ALDH1A1: variants seen among roughly 807,000 people sequenced by gnomAD.
ALDH1A1 encodes the protein aldehyde dehydrogenase 1A1.
Under a neutral mutation model 62.1 loss-of-function variants are expected in ALDH1A1, and 19 were observed. The observed-to-expected ratio is 0.31, with a 90% confidence interval of 0.21 to 0.45. The LOEUF is 0.45. ALDH1A1 is among the 20% of genes least tolerant of loss of function. The pLI, the probability that ALDH1A1 is intolerant of heterozygous loss-of-function variation, is 1.00. For synonymous variants in ALDH1A1, 231 were observed against 215.9 expected, an observed-to-expected ratio of 1.07 and a Z score of -0.61; for missense variants, 521 against 607.1, an observed-to-expected ratio of 0.86 and a Z score of 1.49.
intron 5 of ALDH1A1, chr9:72,926,891 A>G: frequency 4.6e-6 from 2 of 433,524 alleles, no homozygotes; most frequent in South Asian, 9.5e-5. Context: ...ATGATGTAGT[A>G]TTAAAACATT....
At chr9:72,922,453 C>G (rs1419094169) in intron 7 of ALDH1A1, among the ~76,000 whole-genome samples, 1 of 152,106 alleles carries the variant, frequency 6.6e-6, no homozygotes, top group Non-Finnish European at 1.5e-5. Context: ...GATCAGCAAA[C>G]AGTAGCTCCT....
At chr9:72,921,792 G>T (rs1830149421) in intron 7 of ALDH1A1, among the ~76,000 whole-genome samples, 1 of 151,204 alleles carries the variant, frequency 6.6e-6, no homozygotes, top group Non-Finnish European at 1.5e-5. Context: ...CTGTCTTTGA[G>T]GATAATCAGC....
At chr9:72,948,969 T>C (rs1744779728) in intron 1 of ALDH1A1, among the ~76,000 whole-genome samples, 1 of 151,858 alleles carries the variant, frequency 6.6e-6, no homozygotes, top group African/African-American at 2.4e-5. Flanking sequence ...AAAGAAGCAC[T>C]TCAAATCGTG....
intron 9 of ALDH1A1, among the ~76,000 whole-genome samples, chr9:72,916,710 T>G (rs1157373807): frequency 2.6e-5 from 4 of 152,198 alleles, no homozygotes; most frequent in Non-Finnish European, 4.4e-5. Flanking sequence ...GCCGGTAAAC[T>G]GTTTCTAGAC....
At chr9:72,951,643 A>AT (rs1230754258) in intron 1 of ALDH1A1, among the ~76,000 whole-genome samples, 1 of 151,984 alleles carries the variant, frequency 6.6e-6, no homozygotes, top group Non-Finnish European at 1.5e-5. Flanking sequence ...TTGGAATAAG[A>AT]AAATGAGGGA....
intron 1 of ALDH1A1, among the ~76,000 whole-genome samples, chr9:72,940,506 T>A (rs1241190248): frequency 6.6e-6 from 1 of 152,146 alleles, no homozygotes; most frequent in Admixed American, 6.5e-5. Context: ...GAGAAAACAA[T>A]CTAGAAAACA....
Position 72,952,959 on chromosome 9 carries a change from G to T in ALDH1A1, c.42C>A (p.Thr14=). Residue 14 remains threonine, a synonymous_variant, in exon 1 of 13, where the codon ACC becomes ACA. Transcript: ENST00000297785. The part of the protein sequence containing the change: ...SGTPDLPVLL[T]DLKIQYTKIF... ...CCTTAGTATATTGAATCTTCAAATC[G>T]GTGAGTAGGACAGGTAAGTCTGGCG... 1 of 1,613,022 alleles carries T rather than the reference G, an allele frequency of 6.2e-7. No homozygotes were observed.
rs116480245 is a variant in ALDH1A1, at chr9:72,946,660, A to G, written c.66+6275T>C. Among the ~76,000 whole-genome samples the G allele has an allele frequency of 3.6e-3, 551 of 152,094 alleles. 5 individuals are homozygous for G. The highest frequency in any genetic ancestry group is 0.012 in the African/African-American group (518 of 41,538). On this transcript the variant is annotated intron_variant, in intron 1 of 12. Coordinates refer to ENST00000297785, the MANE Select transcript of ALDH1A1 (RefSeq NM_000689.5). ...CTCAAATTCTTTTGAACATGGTTCT[A>G]TGTTGTCACTTACACTTTGTAAACA...
At chr9:72,939,682 T>C (rs1830392156) in intron 2 of ALDH1A1, among the ~76,000 whole-genome samples, 1 of 151,976 alleles carries the variant, frequency 6.6e-6, no homozygotes, top group Non-Finnish European at 1.5e-5. Context: ...CATGCCTGGC[T>C]AATTTTTGTA....
intron 2 of ALDH1A1, among the ~76,000 whole-genome samples, chr9:72,936,259 C>G (rs1318054308): frequency 6.6e-6 from 1 of 152,182 alleles, no homozygotes; most frequent in Non-Finnish European, 1.5e-5. Context: ...GTAAATCCCA[C>G]AAACTTCACT....
chr9:72,903,451 A>G (rs1829831979), intron 12 of ALDH1A1, among the ~76,000 whole-genome samples: 1 of 151,980 alleles, frequency 6.6e-6, no homozygotes, highest in Non-Finnish European at 1.5e-5. Context: ...GTTGAGGAAA[A>G]TTTATAATTT....
chr9:72,901,345 C>T, intron 12 of ALDH1A1, 65 bp from the exon 13 acceptor site: 1 of 1,140,934 alleles, frequency 8.8e-7, no homozygotes. Flanking sequence ...TACTGTAGTT[C>T]ATGTTTGGTA....
At chr9:72,908,597 AAGAAAGAAAGAAAG>A (rs770140213) in intron 11 of ALDH1A1, among the ~76,000 whole-genome samples, 108 of 145,590 alleles carry the variant, frequency 7.4e-4, no homozygotes, top group Non-Finnish European at 1.2e-3. Context: ...GAAAGAAAGA[AAGAAAGAAAGAAAG>A]AAAGAAAGAA....
chr9:72,937,091 G>A (rs914435521), intron 2 of ALDH1A1, among the ~76,000 whole-genome samples: 2 of 152,132 alleles, frequency 1.3e-5, no homozygotes, highest in Non-Finnish European at 2.9e-5. Context: ...ATAGCCAATA[G>A]TCAGGTTAGT....
chr9:72,941,326 A>G (rs566333261), intron 1 of ALDH1A1, among the ~76,000 whole-genome samples: 6 of 152,172 alleles, frequency 3.9e-5, no homozygotes, highest in Non-Finnish European at 7.4e-5. Flanking sequence ...GCTAAATGCA[A>G]ATTACTTATT....
At chr9:72,905,379 G>A (rs977484502) in intron 12 of ALDH1A1, among the ~76,000 whole-genome samples, 1 of 151,872 alleles carries the variant, frequency 6.6e-6, no homozygotes, top group African/African-American at 2.4e-5. Context: ...TCTTAATCTA[G>A]TCACTACTAT....
At chr9:72,933,228 G>C (rs984728878) in intron 2 of ALDH1A1, among the ~76,000 whole-genome samples, 1 of 152,266 alleles carries the variant, frequency 6.6e-6, no homozygotes, top group East Asian at 1.9e-4. Context: ...CTAGCTAAAG[G>C]TTTGATAAAT....
intron 1 of ALDH1A1, among the ~76,000 whole-genome samples, chr9:72,945,196 G>T (rs988616619): frequency 2.5e-4 from 38 of 152,130 alleles, no homozygotes; most frequent in African/African-American, 8.4e-4. Flanking sequence ...GATAAAGCTA[G>T]TTTTGACTAG....
intron 1 of ALDH1A1, among the ~76,000 whole-genome samples, chr9:72,945,206 G>T (rs1281350054): frequency 2.0e-5 from 3 of 152,000 alleles, no homozygotes; most frequent in African/African-American, 7.2e-5. Context: ...GTTTTGACTA[G>T]TGGCAAAATA....
Sources: allele counts gnomAD v4.1 joint callset (sites outside exome capture counted in the v4.1 genomes callset), GRCh38; gene constraint gnomAD v4.1.1; transcripts MANE v1.5; gene names NCBI Gene and HGNC (gene_info 2026-07-23, HGNC 2026-07-21).